DLGAP2: variants seen among roughly 807,000 people sequenced by gnomAD.
DLGAP2 encodes disks large-associated protein 2.
Under a neutral mutation model 100.3 loss-of-function variants are expected in DLGAP2, and 26 were observed. The ratio of observed to expected loss-of-function variants is 0.26; its 90% CI spans 0.19 to 0.36. The LOEUF (loss-of-function observed/expected upper bound fraction) is 0.36. Ranked by LOEUF, DLGAP2 falls within the 10% of genes least tolerant of loss-of-function variation. The probability of loss-of-function intolerance (pLI) is 1.00; values close to 1 mark genes in which losing one functional copy is unlikely to be tolerated. For missense variants in DLGAP2, 1,858 were observed against 1,453.2 expected (o/e 1.28, Z -4.53); for synonymous variants, 886 against 630.1 (o/e 1.41, Z -6.08).
At chr8:843,913 C>T (rs1333402099) in intron 1 of DLGAP2, among the ~76,000 whole-genome samples, 2 of 152,124 alleles carry the variant, frequency 1.3e-5, no homozygotes. Context: ...GTTTATCTGG[C>T]TTGTTTTAGA....
At position 1,158,902 on chromosome 8, in the gene DLGAP2, A is replaced by T. The variant is rs531220543; in HGVS notation, c.74-99949A>T. 4.1e-4 allele frequency among the ~76,000 whole-genome samples: 62 copies of T among 152,370 alleles called. 1 individual carries two copies. The South Asian group carries it at 0.012, about 31-fold the overall frequency. ...GGACATGCTTAGAGGGTTCGGCCTGACCAGTGGAACTGAAAATGAGTAAAA... is the reference window on the plus strand; with the variant it reads ...GGACATGCTTAGAGGGTTCGGCCTGTCCAGTGGAACTGAAAATGAGTAAAA... On this transcript the variant is annotated intron_variant, in intron 2 of 14. Coordinates refer to ENST00000637795, the MANE Select transcript of DLGAP2 (RefSeq NM_001346810.2).
chr8:1,268,274 T>G (rs1799508812), intron 3 of DLGAP2, among the ~76,000 whole-genome samples: 1 of 152,210 alleles, frequency 6.6e-6, no homozygotes, highest in South Asian at 2.1e-4. Context: ...TTAGTGTGAT[T>G]GGAGAAAATA....
chr8:1,677,014 G>A (rs533489168), intron 11 of DLGAP2, among the ~76,000 whole-genome samples: 1 of 152,252 alleles, frequency 6.6e-6, no homozygotes, highest in East Asian at 1.9e-4. Context: ...CCGTGAAATT[G>A]TTTCACTTCA....
At chr8:1,169,689 T>C (rs1193422421) in intron 2 of DLGAP2, among the ~76,000 whole-genome samples, 2 of 152,122 alleles carry the variant, frequency 1.3e-5, no homozygotes, top group Admixed American at 6.5e-5. Flanking sequence ...TGTTTGTCTG[T>C]TGTTGGTGTA....
intron 1 of DLGAP2, among the ~76,000 whole-genome samples, chr8:788,434 G>A (rs1197233551): frequency 6.6e-6 from 1 of 152,202 alleles, no homozygotes; most frequent in Non-Finnish European, 1.5e-5. Context: ...CTTGGCGTCT[G>A]TGTCCACGTG....
At chr8:1,139,894 G>GCA (rs1325395579) in intron 2 of DLGAP2, among the ~76,000 whole-genome samples, 3 of 152,148 alleles carry the variant, frequency 2.0e-5, no homozygotes, top group East Asian at 1.9e-4. Flanking sequence ...GGGAAATCGG[G>GCA]GGGAAGTGAG....
intron 2 of DLGAP2, among the ~76,000 whole-genome samples, chr8:1,130,863 C>T (rs767645786): frequency 2.0e-4 from 28 of 138,626 alleles, no homozygotes; most frequent in Admixed American, 6.7e-4. Context: ...AGGGTGGCCT[C>T]TCTTCATAGC....
intron 3 of DLGAP2, among the ~76,000 whole-genome samples, chr8:1,338,600 G>A (rs1169551604): frequency 6.6e-6 from 1 of 152,220 alleles, no homozygotes; most frequent in African/African-American, 2.4e-5. Flanking sequence ...CCACCAAGTT[G>A]TAAACCTTGA....
Position 1,270,596 on chromosome 8 carries a change from T to C in DLGAP2, c.106+11713T>C, listed in dbSNP as rs546620717. On this transcript the variant is annotated intron_variant, in intron 3 of 14. Coordinates refer to ENST00000637795, the MANE Select transcript of DLGAP2 (RefSeq NM_001346810.2). ...GCCATTAATTTGAAGTGGGGGCTTC[T>C]TAAGAACGTAACTTCTCTGACCCTG... Among the ~76,000 whole-genome samples, 35 of 152,312 alleles carry C rather than the reference T, an allele frequency of 2.3e-4. No individual in the cohort carries two copies. The South Asian group carries it at 3.9e-3, about 17-fold the overall frequency.
At chr8:1,591,983 A>G (rs1320436993) in intron 6 of DLGAP2, among the ~76,000 whole-genome samples, 1 of 152,130 alleles carries the variant, frequency 6.6e-6, no homozygotes, top group Non-Finnish European at 1.5e-5. Flanking sequence ...ATCCGAGCAC[A>G]TTTTCCAGGA....
intron 3 of DLGAP2, among the ~76,000 whole-genome samples, chr8:1,446,272 G>A (rs1246360587): frequency 1.3e-5 from 2 of 152,106 alleles, no homozygotes; most frequent in East Asian, 3.8e-4. Context: ...TTTTGTATAA[G>A]GTGTAAGGAA....
intron 6 of DLGAP2, among the ~76,000 whole-genome samples, chr8:1,614,105 TCAGCGGTGACTGAGCCCTCGTAGCC>T (rs1282050867): frequency 6.6e-6 from 1 of 152,096 alleles, no homozygotes; most frequent in East Asian, 1.9e-4. Context: ...TGCCCTGGCT[TCAGCGGTGACTGAGCCCTCGTAGCC>T]CAGGGGACAT....
Position 795,781 on chromosome 8 carries a change from G to A in DLGAP2, c.18+57956G>A, listed in dbSNP as rs547188303. Among the ~76,000 whole-genome samples, 9 of 142,106 alleles carry A rather than the reference G, an allele frequency of 6.3e-5. 1 individual carries two copies. Among genetic ancestry groups the A allele is most frequent in the African/African-American group, 2.1e-4 (8 of 37,314 alleles). The allele number at this position is 142,106 out of a possible 152,430, so 93.2% of individuals were successfully genotyped here. A position where few individuals can be genotyped will look rare whatever the true frequency, so the allele number is the denominator to read the frequency against. ...CAGTGAGAGCAGGCGTCCAGTGAGA[G>A]CAGGCGTCCGGTGAGAACAGGCGTC... is the stretch of plus-strand genomic sequence containing the variant. On this transcript the variant is annotated intron_variant, in intron 1 of 14. Coordinates refer to ENST00000637795, the MANE Select transcript of DLGAP2 (RefSeq NM_001346810.2).
At chr8:1,262,558 A>G (rs1799373151) in intron 3 of DLGAP2, 1 of 152,142 alleles carries the variant, frequency 6.6e-6, no homozygotes. Context: ...TCCTGATAAT[A>G]ATAATAAATT....
At chr8:1,187,761 A>G (rs1302727496) in intron 2 of DLGAP2, among the ~76,000 whole-genome samples, 1 of 140,318 alleles carries the variant, frequency 7.1e-6, no homozygotes, top group Non-Finnish European at 1.5e-5. Flanking sequence ...TCCCTCACGG[A>G]ATCTCACACG....
chr8:1,435,609 G>A (rs149966720), intron 3 of DLGAP2, among the ~76,000 whole-genome samples: 147 of 152,058 alleles, frequency 9.7e-4, no homozygotes, highest in African/African-American at 3.0e-3. Flanking sequence ...GATACTGTAC[G>A]TTTCATTATT....
intron 2 of DLGAP2, among the ~76,000 whole-genome samples, chr8:1,007,172 C>G (rs1041232679): frequency 6.6e-6 from 1 of 152,156 alleles, no homozygotes; most frequent in Non-Finnish European, 1.5e-5. Context: ...TATGAAGTCT[C>G]GGGATGTGGT....
chr8:1,019,894 GGA>G (rs1184890008), intron 2 of DLGAP2, among the ~76,000 whole-genome samples: 3 of 152,170 alleles, frequency 2.0e-5, no homozygotes, highest in Non-Finnish European at 4.4e-5. Context: ...TTCCCTTCCG[GGA>G]TGGCCTGTGT....
intron 3 of DLGAP2, among the ~76,000 whole-genome samples, chr8:1,334,677 T>C (rs11778654): frequency 0.82 from 124,414 of 152,060 alleles, 51,470 homozygotes; most frequent in African/African-American, 0.94. Context: ...GTCGGCATTC[T>C]CGGCACTCCA....
Sources: allele counts gnomAD v4.1 joint callset (sites outside exome capture counted in the v4.1 genomes callset), GRCh38; gene constraint gnomAD v4.1.1; transcripts MANE v1.5; gene names NCBI Gene and HGNC (gene_info 2026-07-23, HGNC 2026-07-21).